The following SORCS2 variants were observed in gnomAD, a reference collection of about 807,000 sequenced individuals.
SORCS2 encodes the protein VPS10 domain-containing receptor SorCS2.
In SORCS2, 100 loss-of-function variants were observed where a neutral mutation model predicts 141.6. The observed-to-expected ratio is 0.71, with a 90% confidence interval of 0.60 to 0.83. SORCS2 has a LOEUF of 0.83. SORCS2 is among the 40% of genes least tolerant of loss of function. The pLI is 0.00. For missense variants in SORCS2, 1,646 were observed against 1,560.2 expected (o/e 1.05, Z -0.93); for synonymous variants, 789 against 676.9 (o/e 1.17, Z -2.57).
intron 2 of SORCS2, chr4:7,433,203 C>T: frequency 1.7e-6 from 2 of 1,175,472 alleles, no homozygotes; most frequent in African/African-American, 1.6e-5. Context: ...AGCTCTGCTC[C>T]TTCCCAGCCT....
intron 4 of SORCS2, among the ~76,000 whole-genome samples, chr4:7,652,871 A>C (rs1721529850): frequency 6.6e-6 from 1 of 152,192 alleles, no homozygotes; most frequent in South Asian, 2.1e-4. Flanking sequence ...GTGCAGTGCA[A>C]AGTGAAAAAT....
chr4:7,531,852 A>G (rs1711687408), intron 3 of SORCS2, among the ~76,000 whole-genome samples: 1 of 152,244 alleles, frequency 6.6e-6, no homozygotes, highest in Non-Finnish European at 1.5e-5. Context: ...CACCGCCTGC[A>G]TACCTAGGGC....
At chr4:7,671,780 C>A (rs1019433591) in intron 8 of SORCS2, among the ~76,000 whole-genome samples, 2 of 152,030 alleles carry the variant, frequency 1.3e-5, no homozygotes, top group African/African-American at 4.8e-5. Flanking sequence ...GAGATAAAGG[C>A]AGAGAGACTA....
At chr4:7,712,910 C>T (rs1182963979) in intron 15 of SORCS2, 57 bp downstream of exon 15, 13 of 1,595,086 alleles carry the variant, frequency 8.2e-6, no homozygotes, top group Non-Finnish European at 1.1e-5. Context: ...AAACACAGGC[C>T]CACTCTGCCT....
rs775503463 is a variant in SORCS2, at chr4:7,676,084, T to C, written c.1196T>C (p.Val399Ala). Residue 399 changes from valine (V) to alanine (A), a missense_variant, in exon 9 of 27, where the codon GTG becomes GCG. Coordinates refer to ENST00000507866, the MANE Select transcript of SORCS2 (RefSeq NM_020777.3). ...ATCATCAGCACGGACGAGAGTCAGG[T>C]GTTCGTGGCGGTGCAGGAGTGGTAC... is the stretch of plus-strand genomic sequence containing the variant. Reference protein sequence around the residue: ...LQIISTDESQVFVAVQEWYQM... With the variant: ...LQIISTDESQAFVAVQEWYQM... 3.1e-5 allele frequency: 49 copies of C among 1,591,288 alleles called. No homozygotes were observed. Among genetic ancestry groups the C allele is most frequent in the Non-Finnish European group, 3.6e-5 (42 of 1,168,406 alleles).
intron 1 of SORCS2, among the ~76,000 whole-genome samples, chr4:7,348,498 A>C (rs1231475622): frequency 6.6e-6 from 1 of 152,192 alleles, no homozygotes; most frequent in African/African-American, 2.4e-5. Flanking sequence ...GAGGATGCTA[A>C]GTGCCCTGGC....
At chr4:7,418,961 A>G (rs1323351096) in intron 2 of SORCS2, among the ~76,000 whole-genome samples, 1 of 152,234 alleles carries the variant, frequency 6.6e-6, no homozygotes, top group African/African-American at 2.4e-5. Flanking sequence ...TTATATACAC[A>G]GGGCACCTGG....
intron 1 of SORCS2, among the ~76,000 whole-genome samples, chr4:7,374,174 TCTTTCTTTCTTTCTTTCTTTC>T (rs1722476452): frequency 1.5e-5 from 2 of 136,508 alleles, no homozygotes; most frequent in African/African-American, 5.7e-5. Flanking sequence ...TTTCTTTCTT[TCTTTCTTTCTTTCTTTCTTTC>T]TTTTTTGCAG....
At chr4:7,276,224 G>A (rs1033520693) in intron 1 of SORCS2, among the ~76,000 whole-genome samples, 2 of 152,062 alleles carry the variant, frequency 1.3e-5, no homozygotes, top group African/African-American at 4.8e-5. Flanking sequence ...GTCAGTGTGT[G>A]GATCATCCTC....
In SORCS2 at chr4:7,740,917, C is replaced by G; in HGVS notation, c.*653C>G. The G allele has an allele frequency of 2.5e-6, 1 of 398,080 alleles. No individual in the cohort carries two copies. The highest frequency in any genetic ancestry group is 4.4e-6 in the Non-Finnish European group (1 of 226,386). The allele number at this position is 398,080 out of a possible 1,614,324, so 24.7% of individuals were successfully genotyped here. A position where few individuals can be genotyped will look rare whatever the true frequency, so the allele number is the denominator to read the frequency against. On this transcript the variant is annotated 3_prime_UTR_variant, in exon 27 of 27. Transcript: ENST00000507866. The stretch of plus-strand genomic sequence containing the variant: ...CACCGGGGTGGCTCTGTCAGAGTTC[C>G]GTACTCGGGAGCCCCTTTCCCTGAG...
intron 1 of SORCS2, among the ~76,000 whole-genome samples, chr4:7,229,892 A>G (rs1181023688): frequency 2.1e-5 from 3 of 143,996 alleles, no homozygotes; most frequent in African/African-American, 2.7e-5. Flanking sequence ...TGGTGTGCTC[A>G]TGTATGAAGG....
intron 2 of SORCS2, among the ~76,000 whole-genome samples, chr4:7,480,780 C>G (rs1036116418): frequency 3.9e-5 from 6 of 152,262 alleles, no homozygotes; most frequent in African/African-American, 1.4e-4. Flanking sequence ...CCCAGCTCGC[C>G]AGGGCCGCAG....
At chr4:7,527,785 GA>G (rs769345216) in intron 2 of SORCS2, among the ~76,000 whole-genome samples, 1 of 152,158 alleles carries the variant, frequency 6.6e-6, no homozygotes, top group Non-Finnish European at 1.5e-5. Context: ...GATGAGAGAG[GA>G]AGGGTACCCA....
In SORCS2 at chr4:7,676,160, C is replaced by T. The variant is rs775480246; in HGVS notation, c.1272C>T (p.Tyr424=). Residue 424 remains tyrosine, a synonymous_variant, in exon 9 of 27, where the codon TAC becomes TAT. Coordinates refer to ENST00000507866, the MANE Select transcript of SORCS2 (RefSeq NM_020777.3). ...AGTCGGACCCACGGGGCGTGCGCTA[C>T]GCGCTGGTGCTGCAGGACGTGCGCA... is the stretch of plus-strand genomic sequence containing the variant. ...LYQSDPRGVR[Y]ALVLQDVRSS... 1.3e-4 allele frequency: 198 copies of T among 1,560,232 alleles called. 1 individual carries two copies. In the East Asian group the frequency reaches 1.8e-3, roughly 14 times the overall value.
intron 8 of SORCS2, 24 bp downstream of exon 8, chr4:7,667,237 G>C (rs373245343): frequency 1.8e-5 from 29 of 1,608,296 alleles, no homozygotes; most frequent in Middle Eastern, 1.6e-4. Context: ...CATTCCGCCT[G>C]GTCCTGTGGC....
intron 3 of SORCS2, among the ~76,000 whole-genome samples, chr4:7,637,308 A>C (rs1424710216): frequency 1.8e-5 from 1 of 54,996 alleles, no homozygotes; most frequent in Non-Finnish European, 3.3e-5. Flanking sequence ...CTACATCAGC[A>C]CCTCGGGCCT....
chr4:7,578,025 A>G (rs1181931305), intron 3 of SORCS2, among the ~76,000 whole-genome samples: 1 of 152,134 alleles, frequency 6.6e-6, no homozygotes, highest in African/African-American at 2.4e-5. Context: ...AAATTTGGTG[A>G]CCAAAGTGGC....
At chr4:7,609,210 T>G (rs929399444) in intron 3 of SORCS2, among the ~76,000 whole-genome samples, 8 of 152,300 alleles carry the variant, frequency 5.3e-5, no homozygotes, top group African/African-American at 1.9e-4. Flanking sequence ...TTTTCATTTG[T>G]TTGTTTTTCC....
chr4:7,726,722 T>G lies in SORCS2; in HGVS notation c.2746-58T>G, dbSNP rs551006151. On this transcript the variant is annotated intron_variant, in intron 20 of 26. Coordinates refer to ENST00000507866, the MANE Select transcript of SORCS2 (RefSeq NM_020777.3). ...GTGAGGCAGCGACCATAGGCCAGCG[T>G]CCCCCACGGCCGCTGCCTCACTCGG... is the stretch of plus-strand genomic sequence containing the variant. The G allele has an allele frequency of 3.2e-6, 5 of 1,585,656 alleles. No individual in the cohort carries two copies. The African/African-American group carries it at 6.7e-5, about 21-fold the overall frequency.
Sources: gnomAD v4.1 joint callset for allele counts (sites outside exome capture counted in the v4.1 genomes callset) on GRCh38, gnomAD v4.1.1 for gene constraint, MANE v1.5 for transcripts, NCBI Gene and HGNC (gene_info 2026-07-23, HGNC 2026-07-21) for gene names.